Variants in WDR27 observed in about 807,000 individuals in gnomAD.
WDR27 encodes WD repeat-containing protein 27.
In WDR27, 100 loss-of-function variants were observed where a neutral mutation model predicts 114.4. The ratio of observed to expected loss-of-function variants is 0.87; its 90% CI spans 0.74 to 1.03. The LOEUF (loss-of-function observed/expected upper bound fraction) is 1.03, where lower values mean the gene tolerates loss of function less well. WDR27 is among the 50% of genes least tolerant of loss of function. The pLI is 0.00. For synonymous variants in WDR27, 449 were observed against 423.1 expected, an observed-to-expected ratio of 1.06 and a Z score of -0.75; for missense variants, 1,129 against 1,092.9, an observed-to-expected ratio of 1.03 and a Z score of -0.47.
chr6:169,449,993 AT>A, the WDR27 span, among the ~76,000 whole-genome samples: 1 of 152,034 alleles, frequency 6.6e-6, no homozygotes, highest in African/African-American at 2.4e-5. Flanking sequence ...ATATTTTAAA[AT>A]TTTCTTTGTA....
intron 21 of WDR27, among the ~76,000 whole-genome samples, chr6:169,626,551 C>T (rs561336520): frequency 2.6e-5 from 4 of 152,332 alleles, no homozygotes; most frequent in African/African-American, 4.8e-5. Flanking sequence ...TCCCTGACCC[C>T]GCCTTGTTCA....
At chr6:169,555,408 TGGAA>T (rs1476492561) in intron 25 of WDR27, among the ~76,000 whole-genome samples, 2 of 151,950 alleles carry the variant, frequency 1.3e-5, no homozygotes, top group African/African-American at 4.8e-5. Flanking sequence ...CAGAGAAGGA[TGGAA>T]GGGAGACCAG....
intron 1 of WDR27, among the ~76,000 whole-genome samples, chr6:169,693,450 A>C (rs1424162274): frequency 6.6e-6 from 1 of 152,214 alleles, no homozygotes; most frequent in Non-Finnish European, 1.5e-5. Flanking sequence ...TTAGGCAGGA[A>C]CTAACATAAT....
At chr6:169,630,532 A>G (rs1329006665) in intron 21 of WDR27, among the ~76,000 whole-genome samples, 4 of 152,246 alleles carry the variant, frequency 2.6e-5, no homozygotes, top group East Asian at 1.9e-4. Flanking sequence ...AACATTCTAC[A>G]TCCAAATATT....
At chr6:169,426,817 A>C in the WDR27 span, 1 of 152,706 alleles carries the variant, frequency 6.5e-6, no homozygotes, top group South Asian at 2.1e-4. Context: ...GTGAGGGGCC[A>C]CACCTTCCAC....
intron 25 of WDR27, among the ~76,000 whole-genome samples, chr6:169,480,647 C>T (rs1459024928): frequency 1.3e-5 from 2 of 151,824 alleles, no homozygotes; most frequent in Non-Finnish European, 2.9e-5. Flanking sequence ...ACTTGGAGAA[C>T]TTTTATGTCT....
chr6:169,452,696 C>T (rs1404856526), downstream of WDR27, among the ~76,000 whole-genome samples: 1 of 152,194 alleles, frequency 6.6e-6, no homozygotes. Flanking sequence ...GAGGGGAGAC[C>T]CAGGATCAGC....
intron 25 of WDR27, among the ~76,000 whole-genome samples, chr6:169,488,946 CTT>C (rs35035417): frequency 2.7e-4 from 37 of 135,478 alleles, no homozygotes; most frequent in African/African-American, 3.3e-4. Context: ...TTGATGCCCC[CTT>C]TTTTTTTTTT....
chr6:169,479,375 CAAA>C (rs934311044), intron 25 of WDR27, among the ~76,000 whole-genome samples: 2 of 151,790 alleles, frequency 1.3e-5, no homozygotes, highest in Non-Finnish European at 2.9e-5. Flanking sequence ...ATTAAAAAGC[CAAA>C]AAACAGAAAA....
intron 25 of WDR27, among the ~76,000 whole-genome samples, chr6:169,541,757 A>C (rs2128093477): frequency 6.6e-6 from 1 of 152,300 alleles, no homozygotes; most frequent in South Asian, 2.1e-4. Context: ...TGAATTTTAT[A>C]CTCTATCCAA....
the WDR27 span, among the ~76,000 whole-genome samples, chr6:169,443,675 G>A: frequency 6.6e-6 from 1 of 152,218 alleles, no homozygotes; most frequent in Admixed American, 6.5e-5. Context: ...ACAGAACTCA[G>A]GACAGACCCT....
chr6:169,627,267 T>A (rs770176261), intron 21 of WDR27, among the ~76,000 whole-genome samples: 1 of 152,236 alleles, frequency 6.6e-6, no homozygotes, highest in African/African-American at 2.4e-5. Flanking sequence ...TATAAACATC[T>A]TTTTAAAAAC....
intron 5 of WDR27, 180 bp from the exon 6 acceptor site, chr6:169,667,367 T>G (rs775103772): frequency 1.6e-6 from 2 of 1,226,434 alleles, no homozygotes; most frequent in Non-Finnish European, 2.0e-6. Context: ...TATGTCAGAA[T>G]CAAAAAGAAA....
At chr6:169,601,622 C>A (rs941963885) in intron 23 of WDR27, among the ~76,000 whole-genome samples, 4 of 152,188 alleles carry the variant, frequency 2.6e-5, no homozygotes, top group African/African-American at 7.2e-5. Flanking sequence ...GCTGCAGCTG[C>A]AAGGCCACCC....
chr6:169,585,296 C>T (rs1364605449), intron 23 of WDR27, among the ~76,000 whole-genome samples: 1 of 152,180 alleles, frequency 6.6e-6, no homozygotes, highest in Non-Finnish European at 1.5e-5. Context: ...AATGGGACTG[C>T]ATCAAACTAA....
intron 21 of WDR27, among the ~76,000 whole-genome samples, chr6:169,617,688 T>C (rs1812189143): frequency 6.6e-6 from 1 of 152,138 alleles, no homozygotes; most frequent in Admixed American, 6.5e-5. Context: ...CCAACCCTAA[T>C]CTTATTATGC....
chr6:169,487,987 C>G (rs892699520), intron 25 of WDR27, among the ~76,000 whole-genome samples: 1 of 152,190 alleles, frequency 6.6e-6, no homozygotes, highest in Non-Finnish European at 1.5e-5. Context: ...TCTGAAAATT[C>G]CAGTCTCTGA....
At chr6:169,627,569 T>C (rs1289763312) in intron 21 of WDR27, among the ~76,000 whole-genome samples, 2 of 152,212 alleles carry the variant, frequency 1.3e-5, no homozygotes, top group Non-Finnish European at 2.9e-5. Context: ...CCATGCCTGC[T>C]GTCCTGAGGC....
At chr6:169,434,361 T>C in the WDR27 span, among the ~76,000 whole-genome samples, 1 of 152,322 alleles carries the variant, frequency 6.6e-6, no homozygotes. Context: ...CCATCGCTTT[T>C]GTCAGGTTTG....
Sources: gnomAD v4.1 joint callset for allele counts (sites outside exome capture counted in the v4.1 genomes callset) on GRCh38, gnomAD v4.1.1 for gene constraint, MANE v1.5 for transcripts, NCBI Gene and HGNC (gene_info 2026-07-23, HGNC 2026-07-21) for gene names.